The following RYR3 variants were observed in gnomAD, a reference collection of about 807,000 sequenced individuals.
RYR3 encodes the protein ryanodine receptor 3.
In RYR3, 207 loss-of-function variants were observed where a neutral mutation model predicts 584.3. The observed-to-expected ratio is 0.35, with a 90% CI of 0.32 to 0.40. The LOEUF is 0.40. RYR3 is among the 10% of genes least tolerant of loss of function. The probability of loss-of-function intolerance (pLI) is 1.00; values close to 1 mark genes in which losing one functional copy is unlikely to be tolerated. For missense variants in RYR3, 5,616 were observed against 6,089.2 expected, an observed-to-expected ratio of 0.92 and a Z score of 2.59; for synonymous variants, 2,416 against 2,248.5, an observed-to-expected ratio of 1.07 and a Z score of -2.11.
chr15:33,745,341 G>A (rs866761745), intron 52 of RYR3, among the ~76,000 whole-genome samples: 23 of 152,154 alleles, frequency 1.5e-4, no homozygotes, highest in Admixed American at 4.6e-4. Context: ...CCTCTTCTCG[G>A]TGGTAACTGA....
chr15:33,669,856 GGGTGT>G (rs2063725247), intron 37 of RYR3, among the ~76,000 whole-genome samples: 35 of 47,354 alleles, frequency 7.4e-4, no homozygotes, highest in Non-Finnish European at 1.2e-3. Flanking sequence ...GGGGGGGGGG[GGGTGT>G]GGGTGTGTGG....
chr15:33,552,454 C>T (rs1414099705), intron 10 of RYR3, among the ~76,000 whole-genome samples: 1 of 152,176 alleles, frequency 6.6e-6, no homozygotes, highest in Non-Finnish European at 1.5e-5. Flanking sequence ...GGGCCATCGG[C>T]ATAGCAGAGC....
At position 33,853,030 on chromosome 15, in the gene RYR3, C is replaced by G. The variant is rs547255232; in HGVS notation, c.13629-15C>G. 1 of 1,599,744 alleles carries G rather than the reference C, an allele frequency of 6.3e-7. No individual in the cohort carries two copies. Among genetic ancestry groups the G allele is most frequent in the Admixed American group, 1.7e-5 (1 of 57,858 alleles). On this transcript the variant is annotated splice_polypyrimidine_tract_variant and intron_variant, in intron 94 of 103. Coordinates refer to ENST00000634891, the MANE Select transcript of RYR3 (RefSeq NM_001036.6). ...TTAAGAATGAAGAACCAACCTTTTT[C>G]GTTTTGTTTTTCAGATCTTTTCCTA...
rs1031478133 is a variant in RYR3, at chr15:33,690,207, C to T, written c.5861-6011C>T. ...CTCCAGCCTGCAGCCCACCTTTGTGCGTGTGCAGAGCGGGCTGAAGAAAGC... is the reference window on the plus strand; with the variant it reads ...CTCCAGCCTGCAGCCCACCTTTGTGTGTGTGCAGAGCGGGCTGAAGAAAGC... On this transcript the variant is annotated intron_variant, in intron 38 of 103. Coordinates refer to ENST00000634891, the MANE Select transcript of RYR3 (RefSeq NM_001036.6). Among the ~76,000 whole-genome samples, 8 of 152,170 alleles carry T rather than the reference C, an allele frequency of 5.3e-5. No homozygotes were observed. The South Asian group carries it at 8.3e-4, about 16-fold the overall frequency.
intron 47 of RYR3, among the ~76,000 whole-genome samples, chr15:33,730,815 G>A (rs1438917960): frequency 6.6e-6 from 1 of 152,226 alleles, no homozygotes; most frequent in African/African-American, 2.4e-5. Context: ...CTATGTTAGA[G>A]TTGTACAGAA....
intron 1 of RYR3, among the ~76,000 whole-genome samples, chr15:33,399,374 C>T (rs1041771840): frequency 1.2e-4 from 19 of 152,128 alleles, no homozygotes; most frequent in African/African-American, 2.9e-4. Flanking sequence ...CGCAGTGGCT[C>T]GTGCCTGTAC....
At chr15:33,668,779 G>A (rs1009210131) in intron 36 of RYR3, among the ~76,000 whole-genome samples, 2 of 152,084 alleles carry the variant, frequency 1.3e-5, no homozygotes, top group Admixed American at 6.5e-5. Flanking sequence ...TGTTCCTCTA[G>A]TCATTTTGCT....
chr15:33,580,640 C>T lies in RYR3; in HGVS notation c.1437+496C>T, dbSNP rs574696701. 6.8e-4 allele frequency among the ~76,000 whole-genome samples: 104 copies of T among 152,256 alleles called. 1 individual carries two copies. The highest frequency in any genetic ancestry group is 2.5e-3 in the African/African-American group (104 of 41,556). On this transcript the variant is annotated intron_variant, in intron 13 of 103. Coordinates refer to ENST00000634891, the MANE Select transcript of RYR3 (RefSeq NM_001036.6). ...AATATCAGCTTGGGGCTTAAGACAC[C>T]CAGGACCTCATTCTGGTTCCATCTC...
chr15:33,442,817 C>A (rs2046339882), intron 1 of RYR3, among the ~76,000 whole-genome samples: 1 of 152,138 alleles, frequency 6.6e-6, no homozygotes, highest in Non-Finnish European at 1.5e-5. Context: ...GCTGCAAAGC[C>A]AAAACACTAA....
Position 33,635,642 on chromosome 15 carries a change from A to G in RYR3, c.3204A>G (p.Ile1068Met). Residue 1068 changes from isoleucine to methionine, a missense_variant, in exon 26 of 104, where the codon ATA (isoleucine) becomes ATG (methionine). Physicochemically the swap from Ile to Met is conservative, Grantham distance 10. Coordinates refer to ENST00000634891, the MANE Select transcript of RYR3 (RefSeq NM_001036.6). ...LADSAVEKVS[I>M]DKIRFFRVER... Reference sequence around the variant, plus strand: ...ACTCGGCTGTGGAGAAGGTCAGCATAGACAAGATCCGATTTTTCCGGGTAG... The same window carrying G: ...ACTCGGCTGTGGAGAAGGTCAGCATGGACAAGATCCGATTTTTCCGGGTAG... The G allele has an allele frequency of 1.9e-6, 3 of 1,613,958 alleles. No individual in the cohort carries two copies. Among genetic ancestry groups the G allele is most frequent in the Non-Finnish European group, 2.5e-6 (3 of 1,179,878 alleles).
rs1346719416 is a variant in RYR3 at position 33,843,594 on chromosome 15, T to C, written c.13296+20T>C. ...TATAAGGTGATACTTCATTCAGGGGTTATTTGCTAAATATGCTGTATACTA... is the reference window on the plus strand; with the variant it reads ...TATAAGGTGATACTTCATTCAGGGGCTATTTGCTAAATATGCTGTATACTA... On this transcript the variant is annotated intron_variant, in intron 92 of 103. Transcript: ENST00000634891. 1 of 1,488,004 alleles carries C rather than the reference T, an allele frequency of 6.7e-7. No individual in the cohort carries two copies. Among genetic ancestry groups the C allele is most frequent in the Admixed American group, 1.9e-5 (1 of 52,732 alleles). The allele number at this position is 1,488,004 out of a possible 1,614,324, so 92.2% of individuals were successfully genotyped here. A position where few individuals can be genotyped will look rare whatever the true frequency, so the allele number is the denominator to read the frequency against.
chr15:33,531,817 TG>T (rs1242627081), intron 4 of RYR3, among the ~76,000 whole-genome samples: 1 of 152,014 alleles, frequency 6.6e-6, no homozygotes, highest in Non-Finnish European at 1.5e-5. Context: ...TGATAATATC[TG>T]GAATTGAGAA....
At chr15:33,607,717 A>AT (rs1002304434) in intron 18 of RYR3, among the ~76,000 whole-genome samples, 12 of 152,128 alleles carry the variant, frequency 7.9e-5, no homozygotes, top group African/African-American at 2.2e-4. Flanking sequence ...CCATATTGTT[A>AT]TTTTTTTCTA....
chr15:33,602,071 CAT>C (rs2059690420), intron 17 of RYR3, among the ~76,000 whole-genome samples: 1 of 152,190 alleles, frequency 6.6e-6, no homozygotes, highest in African/African-American at 2.4e-5. Flanking sequence ...GCACGTGAGT[CAT>C]GTGAACTCAC....
intron 67 of RYR3, among the ~76,000 whole-genome samples, chr15:33,789,717 C>A (rs2075024762): frequency 9.4e-6 from 1 of 106,910 alleles, no homozygotes; most frequent in African/African-American, 3.7e-5. Context: ...CTTCGTCACC[C>A]AGGCTGGAGT....
In RYR3 at chr15:33,746,104, G is replaced by C; in HGVS notation, c.7936G>C (p.Glu2646Gln). 1 of 1,601,166 alleles carries C rather than the reference G, an allele frequency of 6.2e-7. No homozygotes were observed. Among genetic ancestry groups the C allele is most frequent in the Non-Finnish European group, 8.5e-7 (1 of 1,173,864 alleles). Reference protein sequence around the residue: ...SGWKYGISLDENVKTHPLIRP... With the variant: ...SGWKYGISLDQNVKTHPLIRP... ...ATGGAAATATGGGATTTCCCTGGAT[G>C]AAAATGTGAAGACCCACCCACTGAT... The change falls in exon 53 of 104, where the codon GAA becomes CAA. Residue 2646 changes from glutamate (E) to glutamine (Q), a missense_variant. Physicochemically the swap from Glu to Gln is conservative, Grantham distance 29 (BLOSUM62 2). Around this residue, in one of 9 missense-constraint regions of RYR3, gnomAD observed 1,280 missense variants for 1,426.2 expected, o/e 0.90. Coordinates refer to ENST00000634891, the MANE Select transcript of RYR3 (RefSeq NM_001036.6).
chr15:33,425,365 C>G (rs1326988972), intron 1 of RYR3, among the ~76,000 whole-genome samples: 1 of 152,132 alleles, frequency 6.6e-6, no homozygotes, highest in Non-Finnish European at 1.5e-5. Context: ...CTGACTCCTC[C>G]TGTCGTCATT....
chr15:33,617,582 C>T (rs1413237544), intron 19 of RYR3, among the ~76,000 whole-genome samples: 2 of 152,082 alleles, frequency 1.3e-5, no homozygotes, highest in Non-Finnish European at 1.5e-5. Context: ...AGTTGTTTCT[C>T]ATATTTATTT....
At chr15:33,414,589 C>A (rs1038019350) in intron 1 of RYR3, among the ~76,000 whole-genome samples, 5 of 152,184 alleles carry the variant, frequency 3.3e-5, no homozygotes, top group Middle Eastern at 6.8e-3. Flanking sequence ...CTGAGAGGCA[C>A]CTTGAAGTTT....
Sources: gnomAD v4.1 joint callset for allele counts (sites outside exome capture counted in the v4.1 genomes callset) on GRCh38, gnomAD v4.1.1 for gene constraint, gnomAD v4.1.1 regional missense constraint, MANE v1.5 for transcripts, NCBI Gene and HGNC (gene_info 2026-07-23, HGNC 2026-07-21) for gene names.